Variants in TRIM59 observed in about 807,000 individuals in gnomAD.
TRIM59 encodes the protein tripartite motif containing 59.
TRIM59 carries 14 observed loss-of-function variants against 32.2 expected under a neutral mutation model. The observed-to-expected ratio is 0.43, with a 90% confidence interval of 0.29 to 0.68. TRIM59 has a LOEUF of 0.68. TRIM59 is among the 30% of genes least tolerant of loss of function. TRIM59 has a pLI of 0.15. For missense variants in TRIM59, 471 were observed against 463.3 expected (o/e 1.02, Z -0.15); for synonymous variants, 163 against 155.1 (o/e 1.05, Z -0.38).
Position 160,438,022 on chromosome 3 carries a change from GAC to G in TRIM59, c.1160_1161del (p.Cys387SerfsTer22). 6.4e-7 allele frequency: 1 copy of G among 1,565,928 alleles called. No homozygotes were observed. Among genetic ancestry groups the G allele is most frequent in the Non-Finnish European group, 8.6e-7 (1 of 1,163,320 alleles). On this transcript the variant is annotated frameshift_variant, in exon 3 of 3. Transcript: ENST00000309784. LOFTEE classifies it high-confidence loss of function. The stretch of plus-strand genomic sequence containing the variant: ...AATTCCTTCAACAAATAGAAAATGT[GAC>G]ACAGTATATTCTTTACCTTATGCAG... The part of the protein sequence containing the change: ...NSLHKVKNIL[C>X]HIFYLLKEFV...
chr3:160,435,936 TTAAG>T lies in TRIM59; in HGVS notation c.*2032_*2035del, dbSNP rs1189346567. The T allele has an allele frequency of 2.3e-6, 3 of 1,284,402 alleles. No homozygotes were observed. The highest frequency in any genetic ancestry group is 1.5e-5 in the African/African-American group (1 of 65,782). 79.6% of individuals were successfully genotyped at this position (1,284,402 alleles called of 1,614,324 possible). On this transcript the variant is annotated 3_prime_UTR_variant, in exon 3 of 3. Transcript: ENST00000309784. ...AAATATTCACATCACAGAAATGAGA[TTAAG>T]TAGTTTAACACATAATGGCTAACAT...
chr3:160,446,772 C>G (rs972194368), intron 2 of TRIM59, among the ~76,000 whole-genome samples: 1 of 152,210 alleles, frequency 6.6e-6, no homozygotes, highest in Non-Finnish European at 1.5e-5. Flanking sequence ...CTGCCAGTGT[C>G]AGCATTAGAT....
chr3:160,448,340 G>A (rs1719639722), intron 2 of TRIM59, among the ~76,000 whole-genome samples: 1 of 152,126 alleles, frequency 6.6e-6, no homozygotes, highest in African/African-American at 2.4e-5. Flanking sequence ...AGATTAAATA[G>A]CTACTTACTC....
intron 2 of TRIM59, among the ~76,000 whole-genome samples, chr3:160,446,739 C>T (rs950649830): frequency 1.3e-5 from 2 of 152,042 alleles, no homozygotes; most frequent in African/African-American, 2.4e-5. Context: ...AGCTCCGCCT[C>T]GAGCCCACCT....
At chr3:160,449,511 A>G (rs1719709129) in intron 1 of TRIM59, 3 of 1,220,426 alleles carry the variant, frequency 2.5e-6, no homozygotes, top group Non-Finnish European at 3.1e-6. Context: ...ACAGGAACGC[A>G]GCTCCACAGT....
intron 2 of TRIM59, among the ~76,000 whole-genome samples, chr3:160,444,186 A>T (rs2108518913): frequency 6.6e-6 from 1 of 152,256 alleles, no homozygotes; most frequent in African/African-American, 2.4e-5. Context: ...CTAAATCTTA[A>T]TTTTTCCTTA....
chr3:160,438,412 G>A lies in TRIM59; in HGVS notation c.772C>T (p.Arg258Cys), dbSNP rs150969319. Residue 258 changes from arginine to cysteine, a missense_variant, in exon 3 of 3, where the codon CGC (arginine) becomes TGC (cysteine). Coordinates refer to ENST00000309784, the MANE Select transcript of TRIM59 (RefSeq NM_173084.3). ...LKFLEKVDDVRQHVQILKQRP... is the reference protein window; with the variant it reads ...LKFLEKVDDVCQHVQILKQRP... Reference sequence around the variant, plus strand: ...TGTTTCAAGATCTGTACATGCTGGCGTACATCATCAACTTTTTCAAGAAAT... The same window carrying A: ...TGTTTCAAGATCTGTACATGCTGGCATACATCATCAACTTTTTCAAGAAAT... The A allele has an allele frequency of 3.4e-3, 5,551 of 1,613,854 alleles. 12 individuals are homozygous for A. The highest frequency in any genetic ancestry group is 4.3e-3 in the Middle Eastern group (26 of 6,060).
chr3:160,446,815 C>T (rs79781670), intron 2 of TRIM59, among the ~76,000 whole-genome samples: 2 of 152,154 alleles, frequency 1.3e-5, no homozygotes, highest in East Asian at 1.9e-4. Flanking sequence ...CTGTGAACTG[C>T]GCACGCGAGG....
Position 160,438,181 on chromosome 3 carries a change from C to T in TRIM59, c.1003G>A (p.Val335Ile). 1.2e-6 allele frequency: 2 copies of T among 1,612,982 alleles called. No individual in the cohort carries two copies. The highest frequency in any genetic ancestry group is 2.7e-5 in the African/African-American group (2 of 74,924). The change falls in exon 3 of 3, where the codon GTT becomes ATT. Residue 335 changes from valine to isoleucine, a missense_variant. Transcript: ENST00000309784. The stretch of plus-strand genomic sequence containing the variant: ...ATCAGTATTACTGAAATTAATGTAA[C>T]TACAACAATGTTTAAAATTTTTAAA... ...EFLKILNIVV[V>I]TLISVILMSI...
chr3:160,443,954 A>T (rs1233214914), intron 2 of TRIM59, among the ~76,000 whole-genome samples: 1 of 152,134 alleles, frequency 6.6e-6, no homozygotes, highest in African/African-American at 2.4e-5. Flanking sequence ...AATAAATGGA[A>T]CTGACAGAAA....
intron 1 of TRIM59, chr3:160,449,314 G>C: frequency 3.4e-6 from 1 of 295,336 alleles, no homozygotes; most frequent in South Asian, 3.8e-5. Context: ...AGTCCTGCGA[G>C]CACCTCCCAC....
chr3:160,440,163 A>C (rs1319592926), intron 2 of TRIM59, among the ~76,000 whole-genome samples: 1 of 152,212 alleles, frequency 6.6e-6, no homozygotes, highest in African/African-American at 2.4e-5. Flanking sequence ...TAATTCTCTA[A>C]AGCAATAATT....
intron 1 of TRIM59, chr3:160,449,310 G>A (rs1470363129): frequency 1.0e-5 from 3 of 291,774 alleles, no homozygotes; most frequent in Non-Finnish European, 1.9e-5. Context: ...CTTAAGTCCT[G>A]CGAGCACCTC....
intron 1 of TRIM59, 177 bp from the exon 2 acceptor site, chr3:160,448,972 G>A: frequency 3.1e-6 from 1 of 317,968 alleles, no homozygotes; most frequent in Non-Finnish European, 6.0e-6. Flanking sequence ...CTTGTTCCTT[G>A]AAAATCCTAA....
At chr3:160,447,159 T>C (rs1719581663) in intron 2 of TRIM59, among the ~76,000 whole-genome samples, 2 of 152,174 alleles carry the variant, frequency 1.3e-5, no homozygotes, top group Non-Finnish European at 2.9e-5. Flanking sequence ...AAAAAAACTT[T>C]AAAAAATTTT....
At chr3:160,440,642 T>G (rs1165986490) in intron 2 of TRIM59, among the ~76,000 whole-genome samples, 2 of 152,196 alleles carry the variant, frequency 1.3e-5, no homozygotes, top group Non-Finnish European at 2.9e-5. Flanking sequence ...CCAGGCGCAG[T>G]GGTTCACGCA....
intron 2 of TRIM59, among the ~76,000 whole-genome samples, chr3:160,446,739 C>G (rs950649830): frequency 6.6e-6 from 1 of 152,042 alleles, no homozygotes; most frequent in South Asian, 2.1e-4. Context: ...AGCTCCGCCT[C>G]GAGCCCACCT....
rs1055489514 is a variant in TRIM59 at position 160,437,223 on chromosome 3, G to T, written c.*749C>A. ...TTTTTTTAATTAGCCAGGCATGGGG[G>T]TGTGTGCCTTGTCCCAGCTGCTCCA... On this transcript the variant is annotated 3_prime_UTR_variant, in exon 3 of 3. Transcript: ENST00000309784. 1 of 544,572 alleles carries T rather than the reference G, an allele frequency of 1.8e-6. No individual in the cohort carries two copies. The allele number at this position is 544,572 out of a possible 1,614,324, so 33.7% of individuals were successfully genotyped here.
intron 2 of TRIM59, among the ~76,000 whole-genome samples, chr3:160,442,664 G>C (rs17826221): frequency 0.4 from 60,173 of 152,052 alleles, 12,833 homozygotes; most frequent in Non-Finnish European, 0.48. Flanking sequence ...TGGATAACTT[G>C]AAGTTCACAG....
Sources: gnomAD v4.1 joint callset for allele counts (sites outside exome capture counted in the v4.1 genomes callset) on GRCh38, gnomAD v4.1.1 for gene constraint, MANE v1.5 for transcripts, NCBI Gene and HGNC (gene_info 2026-07-23, HGNC 2026-07-21) for gene names.